Variants in ITGAD observed in about 807,000 individuals in gnomAD.
ITGAD encodes the protein integrin subunit alpha D.
Under a neutral mutation model 139.0 loss-of-function variants are expected in ITGAD, and 105 were observed. The observed-to-expected ratio is 0.76, with a 90% confidence interval of 0.65 to 0.89. ITGAD has a LOEUF of 0.89. Among genes scored for constraint, ITGAD ranks in the 40% least tolerant of loss-of-function variants. The probability of loss-of-function intolerance (pLI) is 0.00; values close to 1 mark genes in which losing one functional copy is unlikely to be tolerated. For synonymous variants in ITGAD, 569 were observed against 598.3 expected, an observed-to-expected ratio of 0.95 and a Z score of 0.71; for missense variants, 1,384 against 1,487.3, an observed-to-expected ratio of 0.93 and a Z score of 1.14.
At chr16:31,395,603 AG>A (rs2081246507) in intron 2 of ITGAD, among the ~76,000 whole-genome samples, 1 of 152,162 alleles carries the variant, frequency 6.6e-6, no homozygotes, top group Non-Finnish European at 1.5e-5. Flanking sequence ...GAAAGGTAAG[AG>A]CCCCCCAACC....
chr16:31,412,549 C>G (rs974087864), intron 14 of ITGAD, among the ~76,000 whole-genome samples: 2 of 152,122 alleles, frequency 1.3e-5, no homozygotes, highest in Admixed American at 6.5e-5. Flanking sequence ...TCCTTGCCCA[C>G]GGCCTCGTGG....
In ITGAD at chr16:31,412,805, C is replaced by T. The variant is rs781587965; in HGVS notation, c.1708-33C>T. On this transcript the variant is annotated intron_variant, in intron 14 of 29. Coordinates refer to ENST00000389202, the MANE Select transcript of ITGAD (RefSeq NM_005353.3). ...TATTTCCAACTTCTTCCCCCATCTT[C>T]CAGCCTGATTCACCCTTTTCTCTTC... The T allele has an allele frequency of 4.3e-6, 7 of 1,612,732 alleles. No individual in the cohort carries two copies. The African/African-American group carries it at 8.0e-5, about 18-fold the overall frequency.
At position 31,418,150 on chromosome 16, in the gene ITGAD, C is replaced by T. The variant is rs150295058; in HGVS notation, c.2575C>T (p.Arg859Cys). ...TGAGGATGAGGGCCTAAGAAGCAGCCGCTGCAGTGTCAACCACCCCATCTT... is the reference window on the plus strand; with the variant it reads ...TGAGGATGAGGGCCTAAGAAGCAGCTGCTGCAGTGTCAACCACCCCATCTT... ...PTEDEGLRSSRCSVNHPIFHE... is the reference protein window; with the variant it reads ...PTEDEGLRSSCCSVNHPIFHE... Residue 859 changes from arginine (R) to cysteine (C), a missense_variant, in exon 21 of 30, where the codon CGC becomes TGC. Transcript: ENST00000389202. 190 of 1,614,046 alleles carry T rather than the reference C, an allele frequency of 1.2e-4. 1 individual carries two copies. The African/African-American group carries it at 1.4e-3, about 12-fold the overall frequency.
rs1382310145 is a variant in ITGAD, at chr16:31,401,608, G to A, written c.428-507G>A. Among the ~76,000 whole-genome samples, 5 of 152,336 alleles carry A rather than the reference G, an allele frequency of 3.3e-5. No homozygotes were observed. In the South Asian group the frequency reaches 8.3e-4, roughly 25 times the overall value. ...GGTGCCAGCGGCTGACCCTGGCAGA[G>A]GGCCAGGACTTGTCTCCAGCACCCA... On this transcript the variant is annotated intron_variant, in intron 5 of 29. Transcript: ENST00000389202.
chr16:31,394,281 C>T lies in ITGAD; in HGVS notation c.77C>T (p.Thr26Met), dbSNP rs190014941. 25 of 1,613,856 alleles carry T rather than the reference C, an allele frequency of 1.5e-5. 1 individual carries two copies. Among genetic ancestry groups the T allele is most frequent in the Middle Eastern group, 1.6e-4 (1 of 6,062 alleles). ...TTCAACCTGGATGTGGAGGAGCCTA[C>T]GATCTTCCAGGAGGATGCAGGCGGC... The part of the protein sequence containing the change: ...HGFNLDVEEP[T>M]IFQEDAGGFG... Residue 26 changes from threonine to methionine, a missense_variant, in exon 2 of 30, where the codon ACG (threonine) becomes ATG (methionine). Physicochemically the swap from Thr to Met is moderately conservative, Grantham distance 81. Transcript: ENST00000389202.
intron 10 of ITGAD, 59 bp downstream of exon 10, chr16:31,408,557 G>A (rs1597130784): frequency 6.1e-6 from 9 of 1,463,636 alleles, no homozygotes; most frequent in Non-Finnish European, 8.6e-6. Context: ...ACCCACCCTG[G>A]GCTGGGGGCT....
At chr16:31,399,475 C>T (rs545153040) in intron 5 of ITGAD, among the ~76,000 whole-genome samples, 1 of 152,102 alleles carries the variant, frequency 6.6e-6, no homozygotes, top group Admixed American at 6.5e-5. Flanking sequence ...TGATGACAGG[C>T]ATGCTGGGCC....
At chr16:31,404,750 G>A (rs1424009216) in intron 7 of ITGAD, 1 of 152,244 alleles carries the variant, frequency 6.6e-6, no homozygotes, top group Non-Finnish European at 1.5e-5. Context: ...GCTGGACTCA[G>A]CCAAGGATTG....
chr16:31,425,716 T>C (rs2082101307), intron 29 of ITGAD, among the ~76,000 whole-genome samples: 1 of 151,482 alleles, frequency 6.6e-6, no homozygotes, highest in Admixed American at 6.6e-5. Context: ...GGAGTCTTGC[T>C]GTCTTGCCCA....
At chr16:31,413,360 A>T in intron 16 of ITGAD, 114 bp downstream of exon 16, 1 of 1,141,490 alleles carries the variant, frequency 8.8e-7, no homozygotes, top group African/African-American at 1.6e-5. Flanking sequence ...TTCACTCACC[A>T]CCTGTGCCAG....
rs1185822431 is a variant in ITGAD at position 31,403,665 on chromosome 16, G to A, written c.704+20G>A. The A allele has an allele frequency of 3.1e-6, 5 of 1,613,844 alleles. No homozygotes were observed. In the Admixed American group the frequency reaches 6.7e-5, roughly 22 times the overall value. On this transcript the variant is annotated intron_variant, in intron 7 of 29. Coordinates refer to ENST00000389202, the MANE Select transcript of ITGAD (RefSeq NM_005353.3). The surrounding 1 kb of genome is among the most constrained non-coding windows in gnomAD (Gnocchi z 4.4). ...AGTGGTGTAAGCAACCCCGACCCCAGCCTGGCGATGTGACTGCCACCCCCA... is the reference window on the plus strand; with the variant it reads ...AGTGGTGTAAGCAACCCCGACCCCAACCTGGCGATGTGACTGCCACCCCCA...
chr16:31,410,971 TG>T, intron 12 of ITGAD, 93 bp downstream of exon 12: 1 of 1,594,338 alleles, frequency 6.3e-7, no homozygotes. Context: ...GGAGGGGCTT[TG>T]GGGGCCTTGG....
rs750977157 is a variant in ITGAD, at chr16:31,423,357, T to G, written c.2865T>G (p.Asn955Lys). ...TCTGCCTTGATTTCCTGCAGGTGAATAACCTCAGCCAGCGAGATCTGGCCA... is the reference window on the plus strand; with the variant it reads ...TCTGCCTTGATTTCCTGCAGGTGAAGAACCTCAGCCAGCGAGATCTGGCCA... ...MKEAEHRYRV[N>K]NLSQRDLAIS... is the part of the protein sequence containing the mutation. The change falls in exon 25 of 30, where the codon AAT (asparagine) becomes AAG (lysine). Residue 955 changes from asparagine (N) to lysine (K), a missense_variant. Asn to Lys is a moderately conservative substitution (Grantham distance 94). Transcript: ENST00000389202. 8.1e-6 allele frequency: 13 copies of G among 1,613,952 alleles called. No individual in the cohort carries two copies. Among genetic ancestry groups the G allele is most frequent in the Non-Finnish European group, 1.1e-5 (13 of 1,179,870 alleles).
chr16:31,414,701 G>A (rs2081838029), intron 17 of ITGAD, 96 bp downstream of exon 17: 3 of 1,571,056 alleles, frequency 1.9e-6, no homozygotes, highest in Non-Finnish European at 2.6e-6. Context: ...GGAAGGGTTA[G>A]GATGTTGGGG....
Position 31,416,569 on chromosome 16 carries a change from G to GGT in ITGAD, c.2424_2425dup (p.Glu809ValfsTer48), listed in dbSNP as rs774237645. 68 of 1,614,028 alleles carry GGT rather than the reference G, an allele frequency of 4.2e-5. No homozygotes were observed. The East Asian group carries it at 1.4e-3, about 34-fold the overall frequency. ...CGTGATTGTGACTGTGTGGAACGCA[G>GGT]GTGAGGATTCCTACGGAACCGTGGT... On this transcript the variant is annotated frameshift_variant, in exon 20 of 30. Coordinates refer to ENST00000389202, the MANE Select transcript of ITGAD (RefSeq NM_005353.3). LOFTEE classifies it high-confidence loss of function.
intron 10 of ITGAD, among the ~76,000 whole-genome samples, chr16:31,408,880 G>A (rs1236998405): frequency 1.3e-5 from 2 of 152,224 alleles, no homozygotes; most frequent in Admixed American, 6.5e-5. Flanking sequence ...GGTCCTCGGC[G>A]GGAGAGATCC....
At chr16:31,402,033 C>T in intron 5 of ITGAD, 82 bp from the exon 6 acceptor site, 2 of 1,496,436 alleles carry the variant, frequency 1.3e-6, no homozygotes, top group South Asian at 1.2e-5. Flanking sequence ...CAAGAACAGC[C>T]CCCGGGCTCT....
intron 10 of ITGAD, among the ~76,000 whole-genome samples, chr16:31,409,997 G>A (rs2081642554): frequency 6.6e-6 from 1 of 152,038 alleles, no homozygotes; most frequent in South Asian, 2.1e-4. Context: ...AAGAAGGGGA[G>A]GGAGGTGTCC....
intron 23 of ITGAD, among the ~76,000 whole-genome samples, chr16:31,419,865 C>T (rs1374599129): frequency 1.4e-5 from 2 of 147,602 alleles, no homozygotes; most frequent in African/African-American, 2.5e-5. Flanking sequence ...AATTGCCTAA[C>T]GATTAATTTC....
Sources: gnomAD v4.1 joint callset for allele counts (sites outside exome capture counted in the v4.1 genomes callset) on GRCh38, gnomAD v4.1.1 for gene constraint, Gnocchi (gnomAD v3.1) non-coding constraint, MANE v1.5 for transcripts, NCBI Gene and HGNC (gene_info 2026-07-23, HGNC 2026-07-21) for gene names.